GDF1: variants seen among roughly 807,000 people sequenced by gnomAD.
GDF1 encodes the protein growth differentiation factor 1, also known as embryonic growth/differentiation factor 1.
In GDF1, 8 loss-of-function variants were observed where a neutral mutation model predicts 7.4. The observed-to-expected ratio is 1.09, with a 90% CI of 0.64 to 1.96. GDF1 has a LOEUF of 1.96. Among genes scored for constraint, GDF1 ranks in the 30% most tolerant of loss-of-function variants. The pLI is 0.00. For missense variants in GDF1, 574 were observed against 551.5 expected, an observed-to-expected ratio of 1.04 and a Z score of -0.41; for synonymous variants, 311 against 276.7, an observed-to-expected ratio of 1.12 and a Z score of -1.23.
Position 18,886,134 on chromosome 19 carries a change from G to A in GDF1, c.-913-1867C>T, listed in dbSNP as rs543585322. Among the ~76,000 whole-genome samples, 530 of 151,594 alleles carry A rather than the reference G, an allele frequency of 3.5e-3. 9 individuals are homozygous for A. Among genetic ancestry groups the A allele is most frequent in the African/African-American group, 0.013 (513 of 40,924 alleles). ...CAAGGGCTATGCTCTGGACGGGCAC[G>A]GTGGCTCATGCCTGTAATCCCAGCA... On this transcript the variant is annotated intron_variant, in intron 2 of 7. Coordinates refer to ENST00000247005, the MANE Select transcript of GDF1 (RefSeq NM_001492.6).
intron 3 of GDF1, among the ~76,000 whole-genome samples, chr19:18,882,913 G>C (rs1466352640): frequency 6.6e-6 from 1 of 151,976 alleles, no homozygotes. Flanking sequence ...GGATGGTCTC[G>C]ATCTCCTGAC....
chr19:18,880,399 G>A lies in GDF1; in HGVS notation c.-696C>T, dbSNP rs774025010. 6.9e-6 allele frequency: 11 copies of A among 1,589,578 alleles called. No homozygotes were observed. Among genetic ancestry groups the A allele is most frequent in the African/African-American group, 1.3e-5 (1 of 74,436 alleles). ...ACTCAAGCTGCACGTCACTGATATC[G>A]TGCAGGAAGAGCACAAGGATGCCCA... is the stretch of plus-strand genomic sequence containing the variant. On this transcript the variant is annotated 5_prime_UTR_variant, in exon 4 of 8. The change creates a new upstream start codon in the 5' untranslated region. Transcript: ENST00000247005.
chr19:18,884,082 C>A lies in GDF1; in HGVS notation c.-733+5G>T, dbSNP rs765448450. The A allele has an allele frequency of 1.2e-6, 2 of 1,611,102 alleles. No homozygotes were observed. The highest frequency in any genetic ancestry group is 8.5e-7 in the Non-Finnish European group (1 of 1,178,252). ...CGGCCCCCTGCCACCCGATCCTGTC[C>A]TTACCGGAAGGCGTAGGAGGAGACG... On this transcript the variant is annotated splice_donor_5th_base_variant and intron_variant, in intron 3 of 7. Coordinates refer to ENST00000247005, the MANE Select transcript of GDF1 (RefSeq NM_001492.6).
intron 4 of GDF1, 124 bp downstream of exon 4, chr19:18,880,150 G>T: frequency 4.1e-6 from 4 of 975,748 alleles, no homozygotes; most frequent in Non-Finnish European, 4.3e-6. Context: ...CCCCTCCCCT[G>T]TCATGCCACA....
Position 18,870,612 on chromosome 19 carries a change from G to C in GDF1, c.-305C>G, listed in dbSNP as rs774114834. 41 of 578,038 alleles carry C rather than the reference G, an allele frequency of 7.1e-5. No homozygotes were observed. Among genetic ancestry groups the C allele is most frequent in the Admixed American group, 3.7e-4 (12 of 32,594 alleles). The allele number at this position is 578,038 out of a possible 1,614,324, so 35.8% of individuals were successfully genotyped here. ...TTGTCCTTCACCAGGCCGTTCCTCA[G>C]TGGCTTCCTGGGGGTCAGAACCGGC... is the stretch of plus-strand genomic sequence containing the variant. On this transcript the variant is annotated 5_prime_UTR_variant, in exon 7 of 8. Coordinates refer to ENST00000247005, the MANE Select transcript of GDF1 (RefSeq NM_001492.6). This position sits in a 1 kb window ranked among gnomAD's most constrained non-coding sequence, Gnocchi z 5.1.
intron 6 of GDF1, among the ~76,000 whole-genome samples, chr19:18,873,481 G>A (rs896828448): frequency 6.6e-6 from 1 of 151,948 alleles, no homozygotes; most frequent in Non-Finnish European, 1.5e-5. Context: ...TGGATCACCT[G>A]ACCCTAGGAG....
intron 2 of GDF1, among the ~76,000 whole-genome samples, chr19:18,890,639 G>A (rs1211373258): frequency 6.6e-6 from 1 of 151,682 alleles, no homozygotes; most frequent in Non-Finnish European, 1.5e-5. Context: ...AAATTCGCTG[G>A]GGGTGGTGGC....
At chr19:18,876,951 A>G (rs1222202242) in intron 6 of GDF1, among the ~76,000 whole-genome samples, 2 of 151,976 alleles carry the variant, frequency 1.3e-5, no homozygotes, top group Admixed American at 1.3e-4. Context: ...GTCTCCTCTG[A>G]CCCTGGATTG....
At position 18,895,310 on chromosome 19, in the gene GDF1, C is replaced by T. The variant is rs898626892; in HGVS notation, c.-1074+514G>A. Among the ~76,000 whole-genome samples the T allele has an allele frequency of 3.3e-5, 5 of 152,230 alleles. No homozygotes were observed. The highest frequency in any genetic ancestry group is 7.3e-5 in the Non-Finnish European group (5 of 68,034). On this transcript the variant is annotated intron_variant, in intron 1 of 7. Coordinates refer to ENST00000247005, the MANE Select transcript of GDF1 (RefSeq NM_001492.6). The surrounding 1 kb of genome is among the most constrained non-coding windows in gnomAD (Gnocchi z 6.4). Reference sequence around the variant, plus strand: ...ACCCAGCAGAAAACGGGCAGCGGACCTCGCTCCGGGCCGGGGCGCAGCCCG... The same window carrying T: ...ACCCAGCAGAAAACGGGCAGCGGACTTCGCTCCGGGCCGGGGCGCAGCCCG...
chr19:18,880,090 A>C, intron 4 of GDF1, among the ~76,000 whole-genome samples, 184 bp downstream of exon 4: 3 of 136,810 alleles, frequency 2.2e-5, no homozygotes, highest in Non-Finnish European at 3.1e-5. Context: ...CCCTTGTCCT[A>C]CTCCTTTCCT....
Position 18,878,941 on chromosome 19 carries a change from G to GGGCTT in GDF1, c.-329_-325dup. ...CCCTCCACACTCACTCGGCTTTGCT[G>GGGCTT]GGCTTCAGGCTCTGGGCCTCGGCTG... On this transcript the variant is annotated 5_prime_UTR_variant, in exon 6 of 8. It introduces an in-frame stop codon into an upstream open reading frame of the 5' UTR. Transcript: ENST00000247005. The surrounding 1 kb of genome is among the most constrained non-coding windows in gnomAD (Gnocchi z 4.6). 1 of 1,613,680 alleles carries GGGCTT rather than the reference G, an allele frequency of 6.2e-7. No homozygotes were observed. The highest frequency in any genetic ancestry group is 8.5e-7 in the Non-Finnish European group (1 of 1,179,836).
At chr19:18,875,271 C>T (rs1005154855) in intron 6 of GDF1, among the ~76,000 whole-genome samples, 2 of 150,254 alleles carry the variant, frequency 1.3e-5, no homozygotes, top group East Asian at 2.0e-4. Flanking sequence ...ACAGGCTGGG[C>T]GCGGTGGCTC....
intron 2 of GDF1, 66 bp from the exon 3 acceptor site, chr19:18,884,333 G>A (rs1015122936): frequency 2.6e-5 from 38 of 1,474,902 alleles, no homozygotes; most frequent in South Asian, 5.0e-5. Flanking sequence ...TCCATGACCC[G>A]GTGACACCCT....
Position 18,880,328 on chromosome 19 carries a change from T to C in GDF1, c.-625A>G, listed in dbSNP as rs2056172422. ...GTCTGCTGCCAAGGCATGCAGCCGATGGTAGGAGCCGCCGCGGGACTTGAA... is the reference window on the plus strand; with the variant it reads ...GTCTGCTGCCAAGGCATGCAGCCGACGGTAGGAGCCGCCGCGGGACTTGAA... On this transcript the variant is annotated 5_prime_UTR_variant, in exon 4 of 8. Transcript: ENST00000247005. 4 of 1,554,836 alleles carry C rather than the reference T, an allele frequency of 2.6e-6. No individual in the cohort carries two copies. The highest frequency in any genetic ancestry group is 3.5e-6 in the Non-Finnish European group (4 of 1,149,362).
chr19:18,876,884 G>T (rs1348585630), intron 6 of GDF1, among the ~76,000 whole-genome samples: 1 of 152,138 alleles, frequency 6.6e-6, no homozygotes, highest in Non-Finnish European at 1.5e-5. Flanking sequence ...CAGCTTCTTG[G>T]TGAAGGTCCC....
At chr19:18,876,850 ACT>A (rs1267957502) in intron 6 of GDF1, among the ~76,000 whole-genome samples, 1 of 151,622 alleles carries the variant, frequency 6.6e-6, no homozygotes, top group Non-Finnish European at 1.5e-5. Context: ...TATTAACTAA[ACT>A]CTCCACATGA....
rs759669190 is a variant in GDF1 at position 18,869,290 on chromosome 19, C to T, written c.426G>A (p.Pro142=). ...AACGCAGCTCCAGGCGGGCCCGGCT[C>T]GGGCGCTCAGCGGGTTCCACAGCCG... ...DLSAVEPAER[P]SRARLELRFA... is the part of the protein sequence containing the mutation. Residue 142 remains proline, a synonymous_variant, in exon 8 of 8, where the codon CCG becomes CCA. Transcript: ENST00000247005. 2.0e-6 allele frequency: 3 copies of T among 1,508,600 alleles called. No homozygotes were observed. Among genetic ancestry groups the T allele is most frequent in the South Asian group, 1.2e-5 (1 of 82,282 alleles). The allele number at this position is 1,508,600 out of a possible 1,614,324, so 93.5% of individuals were successfully genotyped here. A position where few individuals can be genotyped will look rare whatever the true frequency, so the allele number is the denominator to read the frequency against.
rs985053381 is a variant in GDF1 at position 18,879,271 on chromosome 19, C to G, written c.-453G>C. 1.9e-6 allele frequency: 3 copies of G among 1,613,540 alleles called. No individual in the cohort carries two copies. The highest frequency in any genetic ancestry group is 1.1e-5 in the South Asian group (1 of 90,994). ...ACCAGTAGAGGTTCATAAGGGTGAGCAGCAGCAGGAGCGCATTGAAGAAGA... is the reference window on the plus strand; with the variant it reads ...ACCAGTAGAGGTTCATAAGGGTGAGGAGCAGCAGGAGCGCATTGAAGAAGA... On this transcript the variant is annotated 5_prime_UTR_variant, in exon 5 of 8. Coordinates refer to ENST00000247005, the MANE Select transcript of GDF1 (RefSeq NM_001492.6).
chr19:18,879,170 GC>G lies in GDF1; in HGVS notation c.-423+70del, dbSNP rs538625112. ...ACCTAACGTGCCCCTCCCCGGGACT[GC>G]CTGAGGAGGGGACAGGGATTGGGAC... On this transcript the variant is annotated intron_variant, in intron 5 of 7. Transcript: ENST00000247005. 130 of 1,603,392 alleles carry G rather than the reference GC, an allele frequency of 8.1e-5. No homozygotes were observed. In the African/African-American group the frequency reaches 1.5e-3, roughly 19 times the overall value.
Sources: gnomAD v4.1 joint callset for allele counts (sites outside exome capture counted in the v4.1 genomes callset) on GRCh38, gnomAD v4.1.1 for gene constraint, Gnocchi (gnomAD v3.1) non-coding constraint, MANE v1.5 for transcripts, NCBI Gene and HGNC (gene_info 2026-07-23, HGNC 2026-07-21) for gene names.